CAPSL: variants seen among roughly 807,000 people sequenced by gnomAD.
The protein encoded by CAPSL is calcyphosin-like protein.
Under a neutral mutation model 21.3 loss-of-function variants are expected in CAPSL, and 17 were observed. The ratio of observed to expected loss-of-function variants is 0.80; its 90% CI spans 0.55 to 1.20. The LOEUF is 1.20. Ranked by LOEUF, CAPSL falls within the 50% of genes most tolerant of loss-of-function variation. The probability of loss-of-function intolerance (pLI) is 0.00; values close to 1 mark genes in which losing one functional copy is unlikely to be tolerated. For missense variants in CAPSL, 289 were observed against 259.3 expected (o/e 1.11, Z -0.79); for synonymous variants, 102 against 89.3 (o/e 1.14, Z -0.80).
intron 4 of CAPSL, 77 bp from the exon 5 acceptor site, chr5:35,904,723 TAA>T: frequency 6.3e-7 from 1 of 1,575,846 alleles, no homozygotes; most frequent in Non-Finnish European, 8.6e-7. Flanking sequence ...TGTGCACCTG[TAA>T]ATAGAAGGGA....
rs1738169502 is a variant in CAPSL at position 35,909,977 on chromosome 5, T to G, written c.414A>C (p.Glu138Asp). 1 of 1,613,894 alleles carries G rather than the reference T, an allele frequency of 6.2e-7. No individual in the cohort carries two copies. Residue 138 changes from glutamate (E) to aspartate (D), a missense_variant, in exon 4 of 5, where the codon GAA becomes GAC. By Grantham distance (45) the Glu-to-Asp change is conservative (BLOSUM62 2). Coordinates refer to ENST00000651391, the MANE Select transcript of CAPSL (RefSeq NM_001042625.2). ...TTGGGTGGTGTTTTGCATTATATACTTCACGAAGGTCTTCGATTGTTATAA... is the reference window on the plus strand; with the variant it reads ...TTGGGTGGTGTTTTGCATTATATACGTCACGAAGGTCTTCGATTGTTATAA... ...DGVITIEDLR[E>D]VYNAKHHPKY...
chr5:35,911,184 A>G (rs1458828706), intron 2 of CAPSL, among the ~76,000 whole-genome samples: 1 of 152,224 alleles, frequency 6.6e-6, no homozygotes, highest in Non-Finnish European at 1.5e-5. Context: ...AAAAATTCCA[A>G]ATAAGTTATG....
chr5:35,932,336 C>G (rs901641657), intron 1 of CAPSL, among the ~76,000 whole-genome samples: 1 of 152,150 alleles, frequency 6.6e-6, no homozygotes, highest in Non-Finnish European at 1.5e-5. Flanking sequence ...CCAGACTCTA[C>G]TCAAAGTTAC....
rs1193953919 is a variant in CAPSL at position 35,911,733 on chromosome 5, A to G, written c.138-1190T>C. Reference sequence around the variant, plus strand: ...TTGGTTTTTAAAGTAGTCTATTTAAAAAATAAGGGGGTGGAGCAAGATGGC... The same window carrying G: ...TTGGTTTTTAAAGTAGTCTATTTAAGAAATAAGGGGGTGGAGCAAGATGGC... On this transcript the variant is annotated intron_variant, in intron 2 of 4. Coordinates refer to ENST00000651391, the MANE Select transcript of CAPSL (RefSeq NM_001042625.2). 1.3e-5 allele frequency among the ~76,000 whole-genome samples: 2 copies of G among 152,222 alleles called. 1 individual carries two copies. The highest frequency in any genetic ancestry group is 3.9e-4 in the East Asian group (2 of 5,190).
intron 2 of CAPSL, among the ~76,000 whole-genome samples, chr5:35,913,883 T>C (rs1243866070): frequency 6.6e-6 from 1 of 152,194 alleles, no homozygotes; most frequent in Non-Finnish European, 1.5e-5. Flanking sequence ...GTAAATGGGC[T>C]AAATGCTCCA....
At chr5:35,913,614 A>T (rs1341180299) in intron 2 of CAPSL, among the ~76,000 whole-genome samples, 1 of 152,216 alleles carries the variant, frequency 6.6e-6, no homozygotes, top group African/African-American at 2.4e-5. Context: ...ACTAAGCTTC[A>T]TAAGTGAAGG....
At chr5:35,920,923 C>T in intron 2 of CAPSL, 61 bp downstream of exon 2, 1 of 1,572,674 alleles carries the variant, frequency 6.4e-7, no homozygotes, top group South Asian at 1.2e-5. Context: ...CCAACATTAG[C>T]CTCACCTGGC....
rs1002668944 is a variant in CAPSL at position 35,930,191 on chromosome 5, C to T, written c.-1+8350G>A. On this transcript the variant is annotated intron_variant, in intron 1 of 4. Coordinates refer to ENST00000651391, the MANE Select transcript of CAPSL (RefSeq NM_001042625.2). ...ATAAGATGTCACCGAAGTCTGGCAT[C>T]TTACCACATTTTCTCTGTATCAGAA... Among the ~76,000 whole-genome samples, 4 of 152,162 alleles carry T rather than the reference C, an allele frequency of 2.6e-5. 1 individual carries two copies. Among genetic ancestry groups the T allele is most frequent in the African/African-American group, 9.7e-5 (4 of 41,438 alleles).
chr5:35,925,109 A>AT (rs757832040), intron 1 of CAPSL, among the ~76,000 whole-genome samples: 87 of 152,342 alleles, frequency 5.7e-4, no homozygotes, highest in Non-Finnish European at 8.2e-4. Context: ...GCGTCTGCAC[A>AT]TTCCCCCGGC....
chr5:35,931,459 T>A lies in CAPSL; in HGVS notation c.-1+7082A>T, dbSNP rs539324462. ...GTTACAAAAAAAAAAAAACAAGGTT[T>A]AATAAAATACAGAGGCCCCAAGGTT... is the stretch of plus-strand genomic sequence containing the variant. On this transcript the variant is annotated intron_variant, in intron 1 of 4. Transcript: ENST00000651391. Among the ~76,000 whole-genome samples, 58 of 151,438 alleles carry A rather than the reference T, an allele frequency of 3.8e-4. 1 individual carries two copies. In the East Asian group the frequency reaches 8.0e-3, roughly 21 times the overall value.
chr5:35,934,895 T>C (rs920891671), intron 1 of CAPSL, among the ~76,000 whole-genome samples: 5 of 152,200 alleles, frequency 3.3e-5, no homozygotes, highest in Admixed American at 2.6e-4. Context: ...TGGTACAATA[T>C]CTTTATCCTG....
intron 1 of CAPSL, among the ~76,000 whole-genome samples, chr5:35,933,445 G>A (rs907325433): frequency 6.6e-6 from 1 of 152,166 alleles, no homozygotes; most frequent in African/African-American, 2.4e-5. Flanking sequence ...AGGGCCTGTT[G>A]CATCTGCCAG....
chr5:35,925,180 T>G (rs6897339), intron 1 of CAPSL, among the ~76,000 whole-genome samples: 1 of 152,180 alleles, frequency 6.6e-6, no homozygotes, highest in Non-Finnish European at 1.5e-5. Context: ...GGAAGCGCCA[T>G]GCACTGTGCT....
At chr5:35,907,698 T>G (rs569340359) in intron 4 of CAPSL, among the ~76,000 whole-genome samples, 4 of 152,324 alleles carry the variant, frequency 2.6e-5, no homozygotes, top group Admixed American at 2.0e-4. Context: ...GTTTGAACAT[T>G]ACCTTTAGCT....
At chr5:35,927,410 T>C (rs1283697657) in intron 1 of CAPSL, among the ~76,000 whole-genome samples, 1 of 152,240 alleles carries the variant, frequency 6.6e-6, no homozygotes, top group Non-Finnish European at 1.5e-5. Flanking sequence ...CTGGGGTTGC[T>C]ATAATGATTC....
chr5:35,907,614 T>C (rs1561434770), intron 4 of CAPSL, among the ~76,000 whole-genome samples: 2 of 152,186 alleles, frequency 1.3e-5, no homozygotes, highest in South Asian at 4.1e-4. Flanking sequence ...GCAAGATTTA[T>C]GACATCAAAT....
In CAPSL at chr5:35,919,507, G is replaced by A. The variant is rs149767550; in HGVS notation, c.137+1477C>T. On this transcript the variant is annotated intron_variant, in intron 2 of 4. Coordinates refer to ENST00000651391, the MANE Select transcript of CAPSL (RefSeq NM_001042625.2). ...AGACTCAGGGTGGAAAGATGGTGCC[G>A]GGAGTCAATGCTTCACAGAATGCTA... Among the ~76,000 whole-genome samples, 1,083 of 152,226 alleles carry A rather than the reference G, an allele frequency of 7.1e-3. 13 individuals carry two copies. The highest frequency in any genetic ancestry group is 0.023 in the African/African-American group (942 of 41,526).
At chr5:35,910,606 T>C (rs1738195757) in intron 2 of CAPSL, 63 bp from the exon 3 acceptor site, 1 of 1,263,910 alleles carries the variant, frequency 7.9e-7, no homozygotes, top group Non-Finnish European at 1.1e-6. Context: ...AGTGTAAAGA[T>C]TAAAAAAAAA....
At chr5:35,913,522 T>C (rs2149920066) in intron 2 of CAPSL, among the ~76,000 whole-genome samples, 1 of 152,174 alleles carries the variant, frequency 6.6e-6, no homozygotes, top group South Asian at 2.1e-4. Flanking sequence ...GCAGAAACTC[T>C]ACAAGCCAGA....
Sources: allele counts gnomAD v4.1 joint callset (sites outside exome capture counted in the v4.1 genomes callset), GRCh38; gene constraint gnomAD v4.1.1; transcripts MANE v1.5; gene names NCBI Gene and HGNC (gene_info 2026-07-23, HGNC 2026-07-21).